The following NRG2 variants were observed in gnomAD, a reference collection of about 807,000 sequenced individuals.
NRG2 encodes pro-neuregulin-2, membrane-bound isoform.
A neutral mutation model predicts 73.9 loss-of-function variants in NRG2; 27 were observed. The observed-to-expected ratio is 0.37, with a 90% CI of 0.27 to 0.50. The LOEUF (loss-of-function observed/expected upper bound fraction) is 0.50, where lower values mean the gene tolerates loss of function less well. NRG2 is among the 20% of genes least tolerant of loss of function. NRG2 has a pLI of 0.96. For missense variants in NRG2, 1,126 were observed against 1,210.1 expected, an observed-to-expected ratio of 0.93 and a Z score of 1.03; for synonymous variants, 532 against 541.0, an observed-to-expected ratio of 0.98 and a Z score of 0.23.
At chr5:139,909,882 C>T (rs1029147213) in intron 1 of NRG2, among the ~76,000 whole-genome samples, 2 of 152,192 alleles carry the variant, frequency 1.3e-5, no homozygotes, top group African/African-American at 4.8e-5. Flanking sequence ...TGCATCAGAG[C>T]TGAGAGATAG....
chr5:140,001,082 C>T (rs1242080273), intron 1 of NRG2, among the ~76,000 whole-genome samples: 1 of 152,176 alleles, frequency 6.6e-6, no homozygotes, highest in Non-Finnish European at 1.5e-5. Flanking sequence ...CAGAAGAGAC[C>T]TGTGACACGA....
intron 1 of NRG2, among the ~76,000 whole-genome samples, chr5:139,893,229 G>A (rs1764333775): frequency 6.6e-6 from 1 of 152,142 alleles, no homozygotes; most frequent in African/African-American, 2.4e-5. Flanking sequence ...CATTTCAGTA[G>A]CTGCATAATA....
intron 5 of NRG2, among the ~76,000 whole-genome samples, chr5:139,859,397 G>A (rs1761999628): frequency 6.6e-6 from 1 of 152,190 alleles, no homozygotes; most frequent in African/African-American, 2.4e-5. Context: ...CTGGCCTGGT[G>A]CAGGATGAAA....
chr5:139,848,238 G>A lies in NRG2; in HGVS notation c.2232C>T (p.Arg744=). ...CCGCCAGCCCGTTGAGGCGCGAGCG[G>A]CGCCAGCGCCGGGGCCCCGCCGACG... The part of the protein sequence containing the change: ...RRTSAGPRRW[R]RSRLNGLAAQ... Residue 744 remains arginine, a synonymous_variant, in exon 10 of 10, where the codon CGC becomes CGT. Transcript: ENST00000361474. The A allele has an allele frequency of 4.3e-6, 5 of 1,150,230 alleles. No homozygotes were observed. The highest frequency in any genetic ancestry group is 4.2e-5 in the East Asian group (1 of 23,914). 71.3% of individuals were successfully genotyped at this position (1,150,230 alleles called of 1,614,324 possible). A position where few individuals can be genotyped will look rare whatever the true frequency, so the allele number is the denominator to read the frequency against.
chr5:140,001,488 A>G (rs1045857257), intron 1 of NRG2, among the ~76,000 whole-genome samples: 1 of 152,190 alleles, frequency 6.6e-6, no homozygotes, highest in African/African-American at 2.4e-5. Context: ...ATAAATATAT[A>G]GCCCAATTAT....
rs147816620 is a variant in NRG2, at chr5:139,986,701, T to C, written c.700+55669A>G. ...AATGTTCCATATCTGGGTTGTCCAATATGGTAGCCACTAGCACATGTGGCT... is the reference window on the plus strand; with the variant it reads ...AATGTTCCATATCTGGGTTGTCCAACATGGTAGCCACTAGCACATGTGGCT... On this transcript the variant is annotated intron_variant, in intron 1 of 9. Transcript: ENST00000361474. Among the ~76,000 whole-genome samples, 393 of 152,276 alleles carry C rather than the reference T, an allele frequency of 2.6e-3. 1 individual carries two copies. Among genetic ancestry groups the C allele is most frequent in the African/African-American group, 9.3e-3 (385 of 41,562 alleles).
intron 1 of NRG2, among the ~76,000 whole-genome samples, chr5:139,937,356 A>G (rs1369953806): frequency 1.3e-5 from 2 of 152,356 alleles, no homozygotes; most frequent in Admixed American, 1.3e-4. Flanking sequence ...ACCTACAGCT[A>G]TATCATACTT....
At chr5:139,988,124 G>T (rs1389150366) in intron 1 of NRG2, among the ~76,000 whole-genome samples, 1 of 151,980 alleles carries the variant, frequency 6.6e-6, no homozygotes, top group Non-Finnish European at 1.5e-5. Context: ...CTATTAGAAT[G>T]GCCAAAGTCC....
chr5:139,993,874 T>C (rs1464101511), intron 1 of NRG2, among the ~76,000 whole-genome samples: 1 of 152,202 alleles, frequency 6.6e-6, no homozygotes, highest in Non-Finnish European at 1.5e-5. Flanking sequence ...ATCCATATAG[T>C]CAAATATATG....
At chr5:140,041,041 G>A (rs76991864) in intron 1 of NRG2, among the ~76,000 whole-genome samples, 3 of 152,112 alleles carry the variant, frequency 2.0e-5, no homozygotes, top group African/African-American at 7.2e-5. Flanking sequence ...CCTCCTGAAG[G>A]GGGTGGGGGA....
At chr5:139,860,824 A>T (rs1762101903) in intron 5 of NRG2, among the ~76,000 whole-genome samples, 1 of 151,874 alleles carries the variant, frequency 6.6e-6, no homozygotes, top group Non-Finnish European at 1.5e-5. Context: ...TTCTGCACTG[A>T]CCTGCTGCTG....
intron 1 of NRG2, among the ~76,000 whole-genome samples, chr5:139,941,795 G>C (rs977271943): frequency 1.3e-5 from 2 of 152,152 alleles, no homozygotes; most frequent in African/African-American, 4.8e-5. Flanking sequence ...TTTGAGCTCA[G>C]AAAATATGTC....
chr5:139,931,882 G>A (rs1580758356), intron 1 of NRG2, among the ~76,000 whole-genome samples: 1 of 152,284 alleles, frequency 6.6e-6, no homozygotes, highest in East Asian at 1.9e-4. Context: ...AAACCACAAC[G>A]AGCTATCACT....
Position 139,887,300 on chromosome 5 carries a change from G to T in NRG2, c.872+40C>A. 6.2e-7 allele frequency: 1 copy of T among 1,607,200 alleles called. No homozygotes were observed. The highest frequency in any genetic ancestry group is 8.5e-7 in the Non-Finnish European group (1 of 1,175,266). ...GCCACTCCTTCTCGAGAGGAGGGAG[G>T]GCAGCTGCTTGGATGGAGGACAGGC... On this transcript the variant is annotated intron_variant, in intron 2 of 9. Coordinates refer to ENST00000361474, the MANE Select transcript of NRG2 (RefSeq NM_004883.3). The surrounding 1 kb of genome is among the most constrained non-coding windows in gnomAD (Gnocchi z 4.5).
At chr5:139,975,684 T>C (rs1235247437) in intron 1 of NRG2, among the ~76,000 whole-genome samples, 1 of 152,130 alleles carries the variant, frequency 6.6e-6, no homozygotes, top group Non-Finnish European at 1.5e-5. Flanking sequence ...GGGCTGAGAC[T>C]GTCTTGCCAA....
In NRG2 at chr5:139,871,605, C is replaced by T; in HGVS notation, c.1112+116G>A. ...GTAGGGCAAAGCTTCCTGTCTACAC[C>T]CCTTGGGGACCTCTTGTCAGTGGCT... is the stretch of plus-strand genomic sequence containing the variant. On this transcript the variant is annotated intron_variant, in intron 4 of 9. Coordinates refer to ENST00000361474, the MANE Select transcript of NRG2 (RefSeq NM_004883.3). 3 of 1,367,576 alleles carry T rather than the reference C, an allele frequency of 2.2e-6. No individual in the cohort carries two copies. In the South Asian group the frequency reaches 4.0e-5, roughly 18 times the overall value. 84.7% of individuals were successfully genotyped at this position (1,367,576 alleles called of 1,614,324 possible).
chr5:139,850,516 C>G (rs1366011870), intron 9 of NRG2, among the ~76,000 whole-genome samples: 1 of 152,210 alleles, frequency 6.6e-6, no homozygotes, highest in Non-Finnish European at 1.5e-5. Context: ...GATTCCCAGC[C>G]AGGCCTGCCC....
At chr5:139,912,990 C>T (rs1443916567) in intron 1 of NRG2, among the ~76,000 whole-genome samples, 1 of 152,168 alleles carries the variant, frequency 6.6e-6, no homozygotes, top group African/African-American at 2.4e-5. Flanking sequence ...TACAGCTGGC[C>T]CTCTGCCAGC....
chr5:139,993,073 A>C (rs1392589550), intron 1 of NRG2, among the ~76,000 whole-genome samples: 1 of 151,642 alleles, frequency 6.6e-6, no homozygotes, highest in Non-Finnish European at 1.5e-5. Flanking sequence ...TTTTTATCCA[A>C]GGTTTCTTTG....
Sources: allele counts gnomAD v4.1 joint callset (sites outside exome capture counted in the v4.1 genomes callset), GRCh38; gene constraint gnomAD v4.1.1; non-coding constraint Gnocchi (gnomAD v3.1); transcripts MANE v1.5; gene names NCBI Gene and HGNC (gene_info 2026-07-23, HGNC 2026-07-21).